The following PTPRR variants were observed in gnomAD, a reference collection of about 807,000 sequenced individuals.
The protein encoded by PTPRR is protein tyrosine phosphatase receptor type R, also known as receptor-type tyrosine-protein phosphatase R.
PTPRR carries 38 observed loss-of-function variants against 77.2 expected under a neutral mutation model. The observed-to-expected ratio is 0.49, with a 90% CI of 0.38 to 0.65. The LOEUF (loss-of-function observed/expected upper bound fraction) is 0.65. Among genes scored for constraint, PTPRR ranks in the 30% least tolerant of loss-of-function variants. PTPRR has a pLI of 0.00. For missense variants in PTPRR, 744 were observed against 799.2 expected (o/e 0.93, Z 0.83); for synonymous variants, 299 against 283.1 (o/e 1.06, Z -0.57).
intron 1 of PTPRR, among the ~76,000 whole-genome samples, chr12:70,916,092 T>A (rs1893771005): frequency 6.6e-6 from 1 of 152,082 alleles, no homozygotes; most frequent in Non-Finnish European, 1.5e-5. Context: ...GGTGAAGACC[T>A]CTGGGGAAAG....
chr12:70,688,665 G>A (rs1421345764), intron 8 of PTPRR, among the ~76,000 whole-genome samples: 1 of 152,148 alleles, frequency 6.6e-6, no homozygotes, highest in East Asian at 1.9e-4. Context: ...ACTACCATAT[G>A]ATCCAGCAAT....
chr12:70,878,923 TA>T (rs1219736939), intron 2 of PTPRR, among the ~76,000 whole-genome samples: 2 of 152,186 alleles, frequency 1.3e-5, no homozygotes, highest in South Asian at 4.1e-4. Flanking sequence ...TATGCAGCCA[TA>T]AAAAAGGATG....
chr12:70,878,084 T>C (rs1159313750), intron 2 of PTPRR, among the ~76,000 whole-genome samples: 1 of 152,098 alleles, frequency 6.6e-6, no homozygotes, highest in Non-Finnish European at 1.5e-5. Context: ...CCTTACACCT[T>C]ATACAAAAAT....
intron 10 of PTPRR, among the ~76,000 whole-genome samples, chr12:70,673,211 A>G (rs936693925): frequency 1.3e-5 from 2 of 152,134 alleles, no homozygotes; most frequent in Admixed American, 1.3e-4. Flanking sequence ...TATGTCACAT[A>G]TTACACACCC....
intron 2 of PTPRR, among the ~76,000 whole-genome samples, chr12:70,783,140 A>ATTCTTCC: frequency 6.6e-6 from 1 of 152,274 alleles, no homozygotes; most frequent in South Asian, 2.1e-4. Flanking sequence ...TTCAGGAAGA[A>ATTCTTCC]TGAGGTATGC....
At chr12:70,828,126 C>A (rs1892147781) in intron 2 of PTPRR, among the ~76,000 whole-genome samples, 1 of 152,184 alleles carries the variant, frequency 6.6e-6, no homozygotes, top group Non-Finnish European at 1.5e-5. Context: ...CAACATATGA[C>A]ATTCTGAGGG....
intron 2 of PTPRR, among the ~76,000 whole-genome samples, chr12:70,808,778 C>T (rs953957434): frequency 6.6e-6 from 1 of 152,162 alleles, no homozygotes; most frequent in Non-Finnish European, 1.5e-5. Flanking sequence ...CTTCCTCAGA[C>T]ATGCCGTGCC....
At chr12:70,769,007 T>A (rs1362225784) in intron 2 of PTPRR, among the ~76,000 whole-genome samples, 2 of 143,796 alleles carry the variant, frequency 1.4e-5, no homozygotes, top group East Asian at 1.9e-4. Context: ...ATGGGACATA[T>A]CTCAAAATAA....
intron 6 of PTPRR, among the ~76,000 whole-genome samples, chr12:70,704,183 A>G (rs1451142171): frequency 6.6e-6 from 1 of 152,068 alleles, no homozygotes; most frequent in African/African-American, 2.4e-5. Flanking sequence ...GCACTTTGGG[A>G]GACTGAGGCA....
At chr12:70,657,415 T>TGATA (rs1281378093) in intron 12 of PTPRR, among the ~76,000 whole-genome samples, 1 of 152,208 alleles carries the variant, frequency 6.6e-6, no homozygotes, top group Admixed American at 6.5e-5. Flanking sequence ...TGTATAGACA[T>TGATA]GATAATTGAA....
chr12:70,842,388 T>A (rs1377008909), intron 2 of PTPRR, among the ~76,000 whole-genome samples: 2 of 152,192 alleles, frequency 1.3e-5, no homozygotes. Context: ...GACATGCATG[T>A]TGGTTTCCTG....
chr12:70,857,076 T>C (rs1396192503), intron 2 of PTPRR, among the ~76,000 whole-genome samples: 4 of 152,164 alleles, frequency 2.6e-5, no homozygotes, highest in South Asian at 2.1e-4. Flanking sequence ...TGGTGTTTGG[T>C]TCTGGAGCTC....
intron 2 of PTPRR, among the ~76,000 whole-genome samples, chr12:70,817,337 A>C (rs1010976027): frequency 6.6e-6 from 1 of 152,180 alleles, no homozygotes; most frequent in Non-Finnish European, 1.5e-5. Flanking sequence ...GAAAGATGCC[A>C]ATGGATAAGG....
chr12:70,660,279 G>T (rs1412905480), intron 12 of PTPRR, among the ~76,000 whole-genome samples: 1 of 151,460 alleles, frequency 6.6e-6, no homozygotes, highest in Non-Finnish European at 1.5e-5. Context: ...GGAAAATTAG[G>T]GGAAGGAGGT....
intron 2 of PTPRR, among the ~76,000 whole-genome samples, chr12:70,828,551 G>A (rs931363178): frequency 1.3e-5 from 2 of 152,194 alleles, no homozygotes; most frequent in Admixed American, 1.3e-4. Context: ...ACAGGCTGTA[G>A]GAAGGCAGAG....
At chr12:70,641,301 C>T (rs992796563) in intron 13 of PTPRR, among the ~76,000 whole-genome samples, 5 of 152,232 alleles carry the variant, frequency 3.3e-5, no homozygotes, top group Admixed American at 1.3e-4. Context: ...ACCTCTTAGG[C>T]TCTGGTCTGT....
At chr12:70,701,084 G>GC in intron 7 of PTPRR, 53 bp downstream of exon 7, 2 of 1,578,856 alleles carry the variant, frequency 1.3e-6, no homozygotes, top group Non-Finnish European at 1.7e-6. Context: ...CGTCTCTAGT[G>GC]CCCCATGTAT....
intron 2 of PTPRR, among the ~76,000 whole-genome samples, chr12:70,802,324 C>A (rs1237116293): frequency 1.3e-5 from 2 of 152,140 alleles, no homozygotes; most frequent in African/African-American, 4.8e-5. Flanking sequence ...TGATGAAATA[C>A]TGTCTCATTT....
chr12:70,853,988 TATC>T (rs1302788856), intron 2 of PTPRR, among the ~76,000 whole-genome samples: 6 of 152,200 alleles, frequency 3.9e-5, no homozygotes, highest in Non-Finnish European at 5.9e-5. Context: ...GTAGCTACAA[TATC>T]ATCATTATTA....
Sources: allele counts gnomAD v4.1 joint callset (sites outside exome capture counted in the v4.1 genomes callset), GRCh38; gene constraint gnomAD v4.1.1; transcripts MANE v1.5; gene names NCBI Gene and HGNC (gene_info 2026-07-23, HGNC 2026-07-21).